ZBTB21: variants seen among roughly 807,000 people sequenced by gnomAD.
The protein encoded by ZBTB21 is zinc finger and BTB domain containing 21.
In ZBTB21, 10 loss-of-function variants were observed where a neutral mutation model predicts 39.8. The ratio of observed to expected loss-of-function variants is 0.25; its 90% CI spans 0.16 to 0.43. The LOEUF (loss-of-function observed/expected upper bound fraction) is 0.43, where lower values mean the gene tolerates loss of function less well. ZBTB21 is among the 20% of genes least tolerant of loss of function. ZBTB21 has a pLI of 1.00. For synonymous variants in ZBTB21, 551 were observed against 498.8 expected (o/e 1.10, Z -1.40); for missense variants, 1,221 against 1,296.3 (o/e 0.94, Z 0.89).
chr21:41,997,896 G>A (rs766431420), intron 2 of ZBTB21, among the ~76,000 whole-genome samples: 8 of 152,016 alleles, frequency 5.3e-5, no homozygotes, highest in African/African-American at 1.4e-4. Flanking sequence ...GTCCTTGGGT[G>A]TTTCTGTTAG....
intron 2 of ZBTB21, among the ~76,000 whole-genome samples, chr21:41,995,323 G>A (rs1449764768): frequency 1.3e-5 from 2 of 152,214 alleles, no homozygotes; most frequent in Non-Finnish European, 2.9e-5. Flanking sequence ...TGAAATCCAG[G>A]CTGAGGTAGT....
chr21:42,005,304 G>A (rs979057996), intron 1 of ZBTB21, among the ~76,000 whole-genome samples: 1 of 152,052 alleles, frequency 6.6e-6, no homozygotes, highest in Non-Finnish European at 1.5e-5. Context: ...CCTACCTCTG[G>A]GCTAACCATA....
At chr21:42,006,440 A>C (rs1212071012) in intron 1 of ZBTB21, among the ~76,000 whole-genome samples, 1 of 151,960 alleles carries the variant, frequency 6.6e-6, no homozygotes, top group African/African-American at 2.4e-5. Flanking sequence ...AAAAAAAAAA[A>C]AAAATTTTTT....
chr21:41,993,306 T>C lies in ZBTB21; in HGVS notation c.790A>G (p.Lys264Glu). Residue 264 changes from lysine to glutamate, a missense_variant, in exon 3 of 3, where the codon AAA (lysine) becomes GAA (glutamate). Physicochemically the swap from Lys to Glu is moderately conservative, Grantham distance 56. Transcript: ENST00000310826. ...AAAGCCAGCTCTAGAGCTTTTCCTTTTGGAAGCTGACCACTCACACCTGGT... is the reference window on the plus strand; with the variant it reads ...AAAGCCAGCTCTAGAGCTTTTCCTTCTGGAAGCTGACCACTCACACCTGGT... ...DKPGVSGQLP[K>E]GKALELALKR... 1 of 1,613,276 alleles carries C rather than the reference T, an allele frequency of 6.2e-7. No individual in the cohort carries two copies. Among genetic ancestry groups the C allele is most frequent in the African/African-American group, 1.3e-5 (1 of 74,996 alleles).
chr21:41,997,295 G>A (rs533242106), intron 2 of ZBTB21, among the ~76,000 whole-genome samples: 47 of 152,222 alleles, frequency 3.1e-4, no homozygotes, highest in African/African-American at 9.6e-4. Context: ...AAGTGTTTAC[G>A]CCAGGCACGG....
In ZBTB21 at chr21:41,993,893, G is replaced by A. The variant is rs778497406; in HGVS notation, c.203C>T (p.Thr68Ile). The A allele has an allele frequency of 1.2e-6, 2 of 1,614,068 alleles. No individual in the cohort carries two copies. Among genetic ancestry groups the A allele is most frequent in the South Asian group, 1.1e-5 (1 of 91,046 alleles). The stretch of plus-strand genomic sequence containing the variant: ...CTCACAGAAGTCAAGCTGAAATACA[G>A]TTTGTGACTCATTTTCCTTATTTGT... ...LFTNKENESQ[T>I]VFQLDFCEPD... Residue 68 changes from threonine to isoleucine, a missense_variant, in exon 3 of 3, where the codon ACT becomes ATT. Around this residue, in one of 4 missense-constraint regions of ZBTB21, gnomAD observed 108 missense variants for 155.0 expected, o/e 0.70. Coordinates refer to ENST00000310826, the MANE Select transcript of ZBTB21 (RefSeq NM_001098402.2).
chr21:42,008,540 C>CAAAA (rs68176203), intron 1 of ZBTB21, among the ~76,000 whole-genome samples: 14 of 60,322 alleles, frequency 2.3e-4, no homozygotes, highest in African/African-American at 5.9e-4. Context: ...GAAACTCTGT[C>CAAAA]AAAAAAAAAA....
rs1401147421 is a variant in ZBTB21, at chr21:41,991,412, G to A, written c.2684C>T (p.Thr895Ile). Reference protein sequence around the residue: ...EAEEEAPEASTAPKEAGPSKE... With the variant: ...EAEEEAPEASIAPKEAGPSKE... ...GCTAGGACCCGCTTCTTTGGGGGCTGTGCTGGCCTCGGGTGCCTCTTCTTC... is the reference window on the plus strand; with the variant it reads ...GCTAGGACCCGCTTCTTTGGGGGCTATGCTGGCCTCGGGTGCCTCTTCTTC... The change falls in exon 3 of 3, where the codon ACA becomes ATA. Residue 895 changes from threonine to isoleucine, a missense_variant. By Grantham distance (89) the Thr-to-Ile change is moderately conservative (BLOSUM62 -1). This residue lies in a region of ZBTB21 where 523 missense variants were observed against 542.5 expected (regional missense o/e 0.96). Transcript: ENST00000310826. This position sits in a 1 kb window ranked among gnomAD's most constrained non-coding sequence, Gnocchi z 4.9. 1.2e-6 allele frequency: 2 copies of A among 1,611,430 alleles called. No individual in the cohort carries two copies. Among genetic ancestry groups the A allele is most frequent in the Non-Finnish European group, 1.7e-6 (2 of 1,179,018 alleles).
At position 41,993,924 on chromosome 21, in the gene ZBTB21, A is replaced by C; in HGVS notation, c.172T>G (p.Leu58Val). The part of the protein sequence containing the change: ...LAASSEYFQS[L>V]FTNKENESQT... ...GACTCATTTTCCTTATTTGTGAATA[A>C]ACTCTGAAAGTATTCGCTGCTGGCA... Residue 58 changes from leucine (L) to valine (V), a missense_variant, in exon 3 of 3, where the codon TTA becomes GTA. Coordinates refer to ENST00000310826, the MANE Select transcript of ZBTB21 (RefSeq NM_001098402.2). 1 of 1,614,194 alleles carries C rather than the reference A, an allele frequency of 6.2e-7. No homozygotes were observed. The highest frequency in any genetic ancestry group is 1.3e-5 in the African/African-American group (1 of 75,070).
rs1390111261 is a variant in ZBTB21, at chr21:41,992,989, G to A, written c.1107C>T (p.Ser369=). Residue 369 remains serine, a synonymous_variant, in exon 3 of 3, where the codon TCC becomes TCT. Coordinates refer to ENST00000310826, the MANE Select transcript of ZBTB21 (RefSeq NM_001098402.2). The surrounding 1 kb of genome is among the most constrained non-coding windows in gnomAD (Gnocchi z 4.1). ...LKSSQGSSSV[S]SDAPGNVLCA... is the part of the protein sequence containing the mutation. ...ACAACACATTCCCTGGTGCATCACT[G>A]GACACCGAAGATGATCCCTGGGAAG... is the stretch of plus-strand genomic sequence containing the variant. The A allele has an allele frequency of 6.2e-7, 1 of 1,614,132 alleles. No individual in the cohort carries two copies. The highest frequency in any genetic ancestry group is 2.2e-5 in the East Asian group (1 of 44,886).
At chr21:42,001,380 G>A (rs2065815539) in intron 2 of ZBTB21, among the ~76,000 whole-genome samples, 1 of 152,250 alleles carries the variant, frequency 6.6e-6, no homozygotes, top group Non-Finnish European at 1.5e-5. Flanking sequence ...TGTCTAGTGT[G>A]TGCTAGAACC....
chr21:41,994,508 T>C (rs1009582688), intron 2 of ZBTB21, among the ~76,000 whole-genome samples: 18 of 152,262 alleles, frequency 1.2e-4, no homozygotes, highest in African/African-American at 4.1e-4. Context: ...CTGAAGTCTA[T>C]AATTCTGAAA....
At chr21:42,002,616 A>C (rs1569113287) in intron 2 of ZBTB21, 1 of 152,200 alleles carries the variant, frequency 6.6e-6, no homozygotes, top group East Asian at 1.9e-4. Flanking sequence ...GCAGGTTTTC[A>C]TTATGAGTAA....
Position 41,991,511 on chromosome 21 carries a change from G to C in ZBTB21, c.2585C>G (p.Ser862Cys), listed in dbSNP as rs758645801. ...EQVNFDSEDS[S>C]CLPEDLSLSK... ...AAGACTAAGGTCTTCGGGAAGACAA[G>C]AGGAATCTTCCGAGTCGAAGTTAAC... Residue 862 changes from serine (S) to cysteine (C), a missense_variant, in exon 3 of 3, where the codon TCT becomes TGT. Ser to Cys is a moderately radical substitution (Grantham distance 112). Coordinates refer to ENST00000310826, the MANE Select transcript of ZBTB21 (RefSeq NM_001098402.2). The surrounding 1 kb of genome is among the most constrained non-coding windows in gnomAD (Gnocchi z 4.9). The C allele has an allele frequency of 6.2e-7, 1 of 1,614,092 alleles. No homozygotes were observed. Among genetic ancestry groups the C allele is most frequent in the East Asian group, 2.2e-5 (1 of 44,892 alleles).
chr21:42,002,136 C>G (rs561959842), intron 2 of ZBTB21, among the ~76,000 whole-genome samples: 1 of 152,296 alleles, frequency 6.6e-6, no homozygotes, highest in South Asian at 2.1e-4. Context: ...ACCCCAGGAT[C>G]TAGAGACTCT....
Position 41,988,416 on chromosome 21 carries a change from G to A in ZBTB21, c.*2479C>T, listed in dbSNP as rs1480045279. On this transcript the variant is annotated 3_prime_UTR_variant, in exon 3 of 3. Coordinates refer to ENST00000310826, the MANE Select transcript of ZBTB21 (RefSeq NM_001098402.2). ...AGTTGCAACAATTTAAGACCAACTT[G>A]TTTTACACCAAGTATTTGCCTACTG... is the stretch of plus-strand genomic sequence containing the variant. The A allele has an allele frequency of 6.6e-6, 1 of 152,134 alleles. No individual in the cohort carries two copies. Among genetic ancestry groups the A allele is most frequent in the Non-Finnish European group, 1.5e-5 (1 of 68,006 alleles). 9.4% of individuals were successfully genotyped at this position (152,134 alleles called of 1,614,324 possible).
At chr21:41,996,464 A>G (rs2065748376) in intron 2 of ZBTB21, among the ~76,000 whole-genome samples, 1 of 152,072 alleles carries the variant, frequency 6.6e-6, no homozygotes, top group South Asian at 2.1e-4. Flanking sequence ...GTTTTGGCCA[A>G]TTTCTCCCAT....
chr21:41,995,596 G>A lies in ZBTB21; in HGVS notation c.-13-1488C>T, dbSNP rs573911926. 1.3e-4 allele frequency among the ~76,000 whole-genome samples: 20 copies of A among 152,368 alleles called. No homozygotes were observed. The East Asian group carries it at 3.7e-3, about 28-fold the overall frequency. ...GAAGTTGCTGCCTGACAGTGCGATA[G>A]AAAAGAAAATCCCATTTTCTGAGAA... On this transcript the variant is annotated intron_variant, in intron 2 of 2. Coordinates refer to ENST00000310826, the MANE Select transcript of ZBTB21 (RefSeq NM_001098402.2).
At position 42,004,260 on chromosome 21, in the gene ZBTB21, A is replaced by T. The variant is rs141753679; in HGVS notation, c.-78-1299T>A. On this transcript the variant is annotated intron_variant, in intron 1 of 2. Transcript: ENST00000310826. ...GGCGATCTGCCCACCTCGGTCTCCC[A>T]AAGTGCTGGGATTACAGGCCAGCCA... Among the ~76,000 whole-genome samples the T allele has an allele frequency of 2.8e-3, 434 of 152,316 alleles. 4 individuals carry two copies. The highest frequency in any genetic ancestry group is 0.015 in the South Asian group (70 of 4,824).
Sources: allele counts gnomAD v4.1 joint callset (sites outside exome capture counted in the v4.1 genomes callset), GRCh38; gene constraint gnomAD v4.1.1; regional missense constraint gnomAD v4.1.1; non-coding constraint Gnocchi (gnomAD v3.1); transcripts MANE v1.5; gene names NCBI Gene and HGNC (gene_info 2026-07-23, HGNC 2026-07-21).